The following FXYD7 variants were observed in gnomAD, a reference collection of about 807,000 sequenced individuals.
FXYD7 encodes the protein FXYD domain containing ion transport regulator 7, also known as FXYD domain-containing ion transport regulator 7.
FXYD7 carries 7 observed loss-of-function variants against 15.3 expected under a neutral mutation model. That is an observed-to-expected ratio of 0.46 (90% CI 0.26 to 0.86). FXYD7 has a LOEUF of 0.86. Among genes scored for constraint, FXYD7 ranks in the 40% least tolerant of loss-of-function variants. FXYD7 has a pLI of 0.16. For missense variants in FXYD7, 78 were observed against 100.6 expected (o/e 0.78, Z 0.96); for synonymous variants, 39 against 39.3 (o/e 0.99, Z 0.03).
At chr19:35,148,079 GAAAGAA>G (rs1568405889) in intron 1 of FXYD7, among the ~76,000 whole-genome samples, 16 of 124,078 alleles carry the variant, frequency 1.3e-4, no homozygotes, top group Non-Finnish European at 2.3e-4. Context: ...AAGAAAGAAA[GAAAGAA>G]AGAAAGAAAG....
intron 5 of FXYD7, among the ~76,000 whole-genome samples, chr19:35,152,099 A>ACTCCAC (rs1365554281): frequency 7.4e-6 from 1 of 134,630 alleles, no homozygotes; most frequent in African/African-American, 2.8e-5. Flanking sequence ...AGGTTGTGCC[A>ACTCCAC]CTCCACTCCA....
At chr19:35,152,386 G>C (rs764887369) in intron 5 of FXYD7, among the ~76,000 whole-genome samples, 1 of 151,906 alleles carries the variant, frequency 6.6e-6, no homozygotes, top group East Asian at 1.9e-4. Flanking sequence ...AGGAGGGAGA[G>C]AGAGGGAGCA....
rs374098245 is a variant in FXYD7 at position 35,143,525 on chromosome 19, G to A, written c.31+161G>A. Among the ~76,000 whole-genome samples the A allele has an allele frequency of 3.3e-4, 50 of 152,332 alleles. 1 individual carries two copies. Among genetic ancestry groups the A allele is most frequent in the African/African-American group, 1.1e-3 (47 of 41,588 alleles). On this transcript the variant is annotated intron_variant, in intron 1 of 5. Coordinates refer to ENST00000270310, the MANE Select transcript of FXYD7 (RefSeq NM_022006.2). The surrounding 1 kb of genome is among the most constrained non-coding windows in gnomAD (Gnocchi z 4.3). ...GCCCCTGTAATGCGCCCCCCCGATC[G>A]CCCCTCCGGGTCTCTGGGACACCCC... is the stretch of plus-strand genomic sequence containing the variant.
At chr19:35,149,472 C>T (rs1394624979) in intron 2 of FXYD7, 1 of 179,426 alleles carries the variant, frequency 5.6e-6, no homozygotes, top group African/African-American at 2.3e-5. Context: ...GGAAGAGCCA[C>T]ACCATACTCA....
Position 35,143,418 on chromosome 19 carries a change from A to G in FXYD7, c.31+54A>G. 2 of 1,332,474 alleles carry G rather than the reference A, an allele frequency of 1.5e-6. No individual in the cohort carries two copies. Among genetic ancestry groups the G allele is most frequent in the Non-Finnish European group, 2.0e-6 (2 of 991,620 alleles). 82.5% of individuals were successfully genotyped at this position (1,332,474 alleles called of 1,614,324 possible). A position where few individuals can be genotyped will look rare whatever the true frequency, so the allele number is the denominator to read the frequency against. On this transcript the variant is annotated intron_variant, in intron 1 of 5. Transcript: ENST00000270310. This position sits in a 1 kb window ranked among gnomAD's most constrained non-coding sequence, Gnocchi z 4.3. The stretch of plus-strand genomic sequence containing the variant: ...GGGGGGCTCCGGGATCTGAGAGCCT[A>G]GGAGAGAGGGTGTCGGGAGATTCAA...
chr19:35,146,471 G>T (rs934789931), intron 1 of FXYD7, among the ~76,000 whole-genome samples: 3 of 152,148 alleles, frequency 2.0e-5, no homozygotes, highest in Admixed American at 6.5e-5. Flanking sequence ...TAAGTTGAAG[G>T]CAGCATAAGA....
At chr19:35,153,829 A>G in intron 5 of FXYD7, 65 bp from the exon 6 acceptor site, 1 of 1,510,542 alleles carries the variant, frequency 6.6e-7, no homozygotes, top group South Asian at 1.1e-5. Flanking sequence ...TGGAGAGCCA[A>G]CGAGCTGTGG....
chr19:35,143,426 G>A lies in FXYD7; in HGVS notation c.31+62G>A. 1 of 1,272,454 alleles carries A rather than the reference G, an allele frequency of 7.9e-7. No individual in the cohort carries two copies. 78.8% of individuals were successfully genotyped at this position (1,272,454 alleles called of 1,614,324 possible). A position where few individuals can be genotyped will look rare whatever the true frequency, so the allele number is the denominator to read the frequency against. Reference sequence around the variant, plus strand: ...CCGGGATCTGAGAGCCTAGGAGAGAGGGTGTCGGGAGATTCAAGCAATGGT... The same window carrying A: ...CCGGGATCTGAGAGCCTAGGAGAGAAGGTGTCGGGAGATTCAAGCAATGGT... On this transcript the variant is annotated intron_variant, in intron 1 of 5. Coordinates refer to ENST00000270310, the MANE Select transcript of FXYD7 (RefSeq NM_022006.2). The surrounding 1 kb of genome is among the most constrained non-coding windows in gnomAD (Gnocchi z 4.3).
At chr19:35,147,795 A>G (rs886742633) in intron 1 of FXYD7, among the ~76,000 whole-genome samples, 3 of 151,874 alleles carry the variant, frequency 2.0e-5, no homozygotes, top group African/African-American at 4.8e-5. Context: ...GGAGTTTGAG[A>G]CCAGCCCAGC....
intron 1 of FXYD7, among the ~76,000 whole-genome samples, chr19:35,148,275 T>C (rs1600492079): frequency 6.6e-6 from 1 of 151,876 alleles, no homozygotes; most frequent in Non-Finnish European, 1.5e-5. Context: ...TTTTAGGGAG[T>C]ATTCAGGGGA....
At chr19:35,150,399 T>TA (rs916954434) in intron 2 of FXYD7, among the ~76,000 whole-genome samples, 73 of 150,494 alleles carry the variant, frequency 4.9e-4, no homozygotes, top group Middle Eastern at 3.4e-3. Context: ...CTACATCTCT[T>TA]AAAAAAAAAG....
At chr19:35,148,241 C>T (rs76888011) in intron 1 of FXYD7, among the ~76,000 whole-genome samples, 4 of 152,168 alleles carry the variant, frequency 2.6e-5, no homozygotes, top group Non-Finnish European at 5.9e-5. Context: ...AGGTGCCTGT[C>T]GGAGCTCTCA....
At chr19:35,146,516 C>T (rs1360011546) in intron 1 of FXYD7, among the ~76,000 whole-genome samples, 1 of 152,152 alleles carries the variant, frequency 6.6e-6, no homozygotes, top group African/African-American at 2.4e-5. Flanking sequence ...TTTTCTGGGT[C>T]TGGTGTCCCC....
chr19:35,153,154 G>A (rs1269864670), intron 5 of FXYD7, among the ~76,000 whole-genome samples: 2 of 149,044 alleles, frequency 1.3e-5, no homozygotes. Flanking sequence ...CTGCGTCCTG[G>A]GTTCAAGCGA....
intron 5 of FXYD7, 50 bp downstream of exon 5, chr19:35,151,723 GA>G: frequency 7.7e-7 from 1 of 1,298,960 alleles, no homozygotes; most frequent in Non-Finnish European, 1.1e-6. Context: ...GTGGGGCAGG[GA>G]AGGGAACCCT....
chr19:35,152,331 G>A (rs2145399785), intron 5 of FXYD7, among the ~76,000 whole-genome samples: 1 of 151,932 alleles, frequency 6.6e-6, no homozygotes, highest in East Asian at 1.9e-4. Context: ...GGAAGACACA[G>A]GCCTGTGAAG....
intron 1 of FXYD7, among the ~76,000 whole-genome samples, chr19:35,144,798 T>C (rs1055652999): frequency 3.9e-5 from 6 of 152,080 alleles, no homozygotes; most frequent in Non-Finnish European, 8.8e-5. Context: ...GACAGACTCC[T>C]CAACCCAACC....
intron 5 of FXYD7, among the ~76,000 whole-genome samples, chr19:35,152,170 TGAAG>T (rs1184717943): frequency 2.8e-5 from 2 of 70,682 alleles, no homozygotes; most frequent in East Asian, 4.9e-4. Context: ...AAGGAAGAAA[TGAAG>T]GAAGGAAGGG....
At chr19:35,148,779 A>T in intron 2 of FXYD7, 56 bp downstream of exon 2, 1 of 1,468,304 alleles carries the variant, frequency 6.8e-7, no homozygotes, top group Non-Finnish European at 9.5e-7. Flanking sequence ...AGGTGCTCAC[A>T]GATCACTCCG....
Sources: allele counts gnomAD v4.1 joint callset (sites outside exome capture counted in the v4.1 genomes callset), GRCh38; gene constraint gnomAD v4.1.1; non-coding constraint Gnocchi (gnomAD v3.1); transcripts MANE v1.5; gene names NCBI Gene and HGNC (gene_info 2026-07-23, HGNC 2026-07-21).